The following CDH18 variants were observed in gnomAD, a reference collection of about 807,000 sequenced individuals.
CDH18 encodes cadherin-18.
A neutral mutation model predicts 67.9 loss-of-function variants in CDH18; 31 were observed. That is an observed-to-expected ratio of 0.46 (90% CI 0.34 to 0.62). CDH18 has a LOEUF of 0.62. Among genes scored for constraint, CDH18 ranks in the 20% least tolerant of loss-of-function variants. The pLI is 0.01. For missense variants in CDH18, 890 were observed against 975.5 expected (o/e 0.91, Z 1.17); for synonymous variants, 362 against 347.2 (o/e 1.04, Z -0.48).
At chr5:20,418,375 C>T (rs1321552290) in intron 1 of CDH18, among the ~76,000 whole-genome samples, 2 of 151,206 alleles carry the variant, frequency 1.3e-5, no homozygotes, top group Non-Finnish European at 2.9e-5. Context: ...GCCACCACGC[C>T]CGGCCAAGAC....
intron 11 of CDH18, among the ~76,000 whole-genome samples, chr5:19,494,324 C>T (rs956048696): frequency 3.9e-5 from 6 of 152,136 alleles, no homozygotes; most frequent in Non-Finnish European, 7.4e-5. Flanking sequence ...TCTATGTACA[C>T]TGATAAAATA....
At chr5:20,405,127 A>G (rs2150134835) in intron 1 of CDH18, among the ~76,000 whole-genome samples, 1 of 152,314 alleles carries the variant, frequency 6.6e-6, no homozygotes, top group Non-Finnish European at 1.5e-5. Flanking sequence ...CCACATTGCC[A>G]AGTCAATCCT....
chr5:19,779,753 T>C (rs370242557), intron 3 of CDH18, among the ~76,000 whole-genome samples: 3 of 152,102 alleles, frequency 2.0e-5, no homozygotes, highest in African/African-American at 7.2e-5. Flanking sequence ...TACAGACAAG[T>C]GTGTAGAAGA....
chr5:19,580,460 T>G (rs975947525), intron 7 of CDH18, among the ~76,000 whole-genome samples: 1 of 151,928 alleles, frequency 6.6e-6, no homozygotes, highest in Non-Finnish European at 1.5e-5. Flanking sequence ...GTCATGTATC[T>G]AAAATAATTC....
At chr5:20,107,785 T>A (rs1747094892) in intron 2 of CDH18, among the ~76,000 whole-genome samples, 1 of 152,018 alleles carries the variant, frequency 6.6e-6, no homozygotes. Context: ...ATTATTATAC[T>A]TTAAGTTTTA....
At chr5:20,458,124 T>G (rs1408500784) in intron 1 of CDH18, among the ~76,000 whole-genome samples, 1 of 152,152 alleles carries the variant, frequency 6.6e-6, no homozygotes, top group Non-Finnish European at 1.5e-5. Context: ...TTTTATTTGT[T>G]TGTTTGTTTT....
At chr5:20,291,187 T>C (rs578104300) in intron 1 of CDH18, among the ~76,000 whole-genome samples, 2 of 152,032 alleles carry the variant, frequency 1.3e-5, no homozygotes, top group Non-Finnish European at 2.9e-5. Flanking sequence ...TCCTGGGAAA[T>C]AGTGAATCAA....
intron 1 of CDH18, among the ~76,000 whole-genome samples, chr5:20,373,536 C>T (rs990459341): frequency 2.8e-4 from 42 of 152,040 alleles, no homozygotes; most frequent in African/African-American, 1.0e-3. Flanking sequence ...TGTTGTTTTA[C>T]TTGGCTTATG....
intron 1 of CDH18, among the ~76,000 whole-genome samples, chr5:20,429,304 T>A (rs1748560043): frequency 6.6e-6 from 1 of 152,070 alleles, no homozygotes; most frequent in Non-Finnish European, 1.5e-5. Flanking sequence ...GCTCTTTAAA[T>A]CAGTGTTTAA....
intron 5 of CDH18, among the ~76,000 whole-genome samples, chr5:19,671,554 T>G (rs1758755156): frequency 6.6e-6 from 1 of 152,164 alleles, no homozygotes; most frequent in Non-Finnish European, 1.5e-5. Context: ...ATTCACCTGA[T>G]GAGAATTGCT....
rs904558867 is a variant in CDH18 at position 19,875,451 on chromosome 5, TATAG to T, written c.-256-36213_-256-36210del. ...AGATAGATAGATAGATCGATCGATC[TATAG>T]ATAGATAGATGGATAGATAGATATA... On this transcript the variant is annotated intron_variant, in intron 2 of 12. Transcript: ENST00000382275. Among the ~76,000 whole-genome samples the T allele has an allele frequency of 6.9e-5, 10 of 145,134 alleles. No homozygotes were observed. In the East Asian group the frequency reaches 8.0e-4, roughly 12 times the overall value.
intron 1 of CDH18, among the ~76,000 whole-genome samples, chr5:20,566,682 C>T (rs1758534055): frequency 6.6e-6 from 1 of 151,794 alleles, no homozygotes; most frequent in Admixed American, 6.6e-5. Context: ...GCCTAATTCT[C>T]TTGATTTAAA....
chr5:20,093,538 A>G (rs542837761), intron 2 of CDH18, among the ~76,000 whole-genome samples: 24 of 152,114 alleles, frequency 1.6e-4, no homozygotes, highest in Middle Eastern at 6.8e-3. Flanking sequence ...TTTCTACTCA[A>G]ATGCTAAGAA....
intron 1 of CDH18, among the ~76,000 whole-genome samples, chr5:20,334,233 A>G (rs1412049934): frequency 1.4e-5 from 2 of 142,372 alleles, no homozygotes; most frequent in Non-Finnish European, 3.0e-5. Flanking sequence ...CCTGGGGTTC[A>G]CGCCATTCTC....
At chr5:20,485,675 A>T (rs1753120835) in intron 1 of CDH18, among the ~76,000 whole-genome samples, 1 of 151,950 alleles carries the variant, frequency 6.6e-6, no homozygotes, top group Admixed American at 6.6e-5. Flanking sequence ...GTAATACTGA[A>T]TTTAGTAAGA....
chr5:20,524,074 C>T (rs78884466), intron 1 of CDH18, among the ~76,000 whole-genome samples: 3,684 of 152,228 alleles, frequency 0.024, 73 homozygotes, highest in Non-Finnish European at 0.038. Context: ...GAAATGAGCT[C>T]TTTTCTATCC....
At chr5:19,604,141 T>C (rs1419131695) in intron 6 of CDH18, among the ~76,000 whole-genome samples, 1 of 152,006 alleles carries the variant, frequency 6.6e-6, no homozygotes, top group African/African-American at 2.4e-5. Flanking sequence ...TCACTGAGGC[T>C]TGTCCCTTTT....
chr5:20,526,966 G>A lies in CDH18; in HGVS notation c.-580+48496C>T, dbSNP rs1168319428. On this transcript the variant is annotated intron_variant, in intron 1 of 14. Transcript: ENST00000507958. ...GAAGTAGGCTTCAGAAAGTGGCTAAGCTAAAGGATTATGTTCTAACCCAAA... is the reference window on the plus strand; with the variant it reads ...GAAGTAGGCTTCAGAAAGTGGCTAAACTAAAGGATTATGTTCTAACCCAAA... Among the ~76,000 whole-genome samples, 3 of 151,976 alleles carry A rather than the reference G, an allele frequency of 2.0e-5. No homozygotes were observed. In the East Asian group the frequency reaches 5.8e-4, roughly 29 times the overall value.
rs774396694 is a variant in CDH18 at position 20,555,408 on chromosome 5, C to CTTTTTTTTTTT, written c.-580+20043_-580+20053dup. ...GCCAGAACCACCAAGACAAGCTTTT[C>CTTTTTTTTTTT]TTTTTTTTTTTTTTTTTTTTTTTTT... is the stretch of plus-strand genomic sequence containing the variant. On this transcript the variant is annotated intron_variant, in intron 1 of 14. Coordinates refer to the CDH18 transcript ENST00000507958. Among the ~76,000 whole-genome samples the CTTTTTTTTTTT allele has an allele frequency of 7.4e-4, 77 of 103,642 alleles. 1 individual carries two copies. The highest frequency in any genetic ancestry group is 1.0e-3 in the African/African-American group (25 of 24,366). 68.0% of individuals were successfully genotyped at this position (103,642 alleles called of 152,430 possible). A position where few individuals can be genotyped will look rare whatever the true frequency, so the allele number is the denominator to read the frequency against.
Sources: allele counts gnomAD v4.1 joint callset (sites outside exome capture counted in the v4.1 genomes callset), GRCh38; gene constraint gnomAD v4.1.1; transcripts MANE v1.5; gene names NCBI Gene and HGNC (gene_info 2026-07-23, HGNC 2026-07-21).